The following MCTP1 variants were observed in gnomAD, a reference collection of about 807,000 sequenced individuals.
MCTP1 encodes the protein multiple C2 and transmembrane domain containing 1, also known as multiple C2 and transmembrane domain-containing protein 1.
Under a neutral mutation model 120.6 loss-of-function variants are expected in MCTP1, and 69 were observed. That is an observed-to-expected ratio of 0.57 (90% CI 0.47 to 0.70). The LOEUF (loss-of-function observed/expected upper bound fraction) is 0.70. MCTP1 is among the 30% of genes least tolerant of loss of function. The pLI is 0.00. For missense variants in MCTP1, 1,203 were observed against 1,248.8 expected (o/e 0.96, Z 0.55); for synonymous variants, 529 against 493.1 (o/e 1.07, Z -0.96).
chr5:94,921,379 A>G lies in MCTP1; in HGVS notation c.1272+2583T>C, dbSNP rs994979238. Among the ~76,000 whole-genome samples, 31 of 152,218 alleles carry G rather than the reference A, an allele frequency of 2.0e-4. 1 individual carries two copies. Among genetic ancestry groups the G allele is most frequent in the Admixed American group, 2.0e-3 (30 of 15,280 alleles). On this transcript the variant is annotated intron_variant, in intron 7 of 22. Coordinates refer to ENST00000515393, the MANE Select transcript of MCTP1 (RefSeq NM_024717.7). ...GCAAGTAGCACTGATGTTCCAGCTGAGCAAGTTTTTACTAGGATGTAGTTT... is the reference window on the plus strand; with the variant it reads ...GCAAGTAGCACTGATGTTCCAGCTGGGCAAGTTTTTACTAGGATGTAGTTT...
chr5:95,041,311 G>GAAAAAAAAAAAAAAAAAAAA (rs58379749), intron 1 of MCTP1, among the ~76,000 whole-genome samples: 4 of 89,816 alleles, frequency 4.5e-5, no homozygotes, highest in Non-Finnish European at 6.8e-5. Flanking sequence ...CCCATGCTCT[G>GAAAAAAAAAAAAAAAAAAAA]AAAAAAAAAA....
intron 7 of MCTP1, among the ~76,000 whole-genome samples, chr5:94,919,593 T>G (rs1435239196): frequency 6.6e-6 from 1 of 152,154 alleles, no homozygotes. Context: ...TGGAATCAGC[T>G]CTTTCTTCTA....
At chr5:94,981,162 T>C (rs1829321111) in intron 2 of MCTP1, among the ~76,000 whole-genome samples, 1 of 152,174 alleles carries the variant, frequency 6.6e-6, no homozygotes, top group South Asian at 2.1e-4. Context: ...TGTTCTTATC[T>C]TCAACACAGT....
chr5:94,811,806 T>G (rs1005246805), intron 17 of MCTP1, among the ~76,000 whole-genome samples: 3 of 152,212 alleles, frequency 2.0e-5, no homozygotes, highest in Admixed American at 6.5e-5. Flanking sequence ...TCCTATCATT[T>G]TCAGCCAAAA....
chr5:95,010,578 CTTATTT>C (rs1436950256), intron 2 of MCTP1, among the ~76,000 whole-genome samples: 2 of 152,116 alleles, frequency 1.3e-5, no homozygotes, highest in Non-Finnish European at 2.9e-5. Context: ...AATATCTCTT[CTTATTT>C]TTATCTTTAC....
intron 19 of MCTP1, among the ~76,000 whole-genome samples, chr5:94,772,839 C>T (rs770619859): frequency 5.9e-5 from 9 of 152,092 alleles, no homozygotes; most frequent in Non-Finnish European, 1.2e-4. Context: ...CATAAGGAAG[C>T]GTAAGGATGC....
intron 1 of MCTP1, among the ~76,000 whole-genome samples, chr5:95,083,114 T>C (rs11744157): frequency 0.2 from 30,266 of 152,158 alleles, 3,255 homozygotes; most frequent in East Asian, 0.35. Flanking sequence ...CATCAATACA[T>C]AGCAGAATTT....
At chr5:95,124,157 T>C (rs1027174719) in intron 1 of MCTP1, among the ~76,000 whole-genome samples, 1 of 152,184 alleles carries the variant, frequency 6.6e-6, no homozygotes, top group African/African-American at 2.4e-5. Flanking sequence ...ATCCAGCAGT[T>C]ACCTACTGTG....
intron 12 of MCTP1, among the ~76,000 whole-genome samples, chr5:94,875,409 G>A (rs1270534887): frequency 6.6e-6 from 1 of 152,108 alleles, no homozygotes; most frequent in Non-Finnish European, 1.5e-5. Context: ...AGGGGTGGTA[G>A]TAGGTGACAC....
At chr5:95,132,780 T>G (rs73776202) in intron 1 of MCTP1, among the ~76,000 whole-genome samples, 2,357 of 152,320 alleles carry the variant, frequency 0.015, 64 homozygotes, top group African/African-American at 0.054. Context: ...GCTTTGGCTT[T>G]GTAGCATGTA....
At chr5:95,070,783 A>G (rs1055480480) in intron 1 of MCTP1, among the ~76,000 whole-genome samples, 1 of 152,206 alleles carries the variant, frequency 6.6e-6, no homozygotes, top group Non-Finnish European at 1.5e-5. Flanking sequence ...GTAGTTCCAT[A>G]GCCTAAGAGG....
chr5:95,004,487 C>T (rs944248901), intron 2 of MCTP1, among the ~76,000 whole-genome samples: 1 of 152,208 alleles, frequency 6.6e-6, no homozygotes, highest in Non-Finnish European at 1.5e-5. Flanking sequence ...GCAGCCCCTC[C>T]CATCACAGGC....
chr5:95,061,837 G>A (rs1749317469), intron 1 of MCTP1, among the ~76,000 whole-genome samples: 1 of 152,104 alleles, frequency 6.6e-6, no homozygotes, highest in South Asian at 2.1e-4. Flanking sequence ...ACAGCACCAG[G>A]ATGCAGTTTT....
rs61295443 is a variant in MCTP1 at position 94,938,446 on chromosome 5, T to C, written c.1173+1638A>G. Among the ~76,000 whole-genome samples, 780 of 152,176 alleles carry C rather than the reference T, an allele frequency of 5.1e-3. 8 individuals carry two copies. The highest frequency in any genetic ancestry group is 0.017 in the African/African-American group (727 of 41,550). Reference sequence around the variant, plus strand: ...TGGCCTTTGTGTGTGTTGTCTCCTCTGCTTTAAACACCTCCTCTCTTTCTT... The same window carrying C: ...TGGCCTTTGTGTGTGTTGTCTCCTCCGCTTTAAACACCTCCTCTCTTTCTT... On this transcript the variant is annotated intron_variant, in intron 5 of 22. Transcript: ENST00000515393.
chr5:94,973,114 T>C (rs1248715887), intron 2 of MCTP1, among the ~76,000 whole-genome samples: 1 of 152,172 alleles, frequency 6.6e-6, no homozygotes, highest in Non-Finnish European at 1.5e-5. Context: ...TAAATTAGTA[T>C]TCTCAGTATT....
At chr5:95,183,808 T>C (rs904088857) in intron 1 of MCTP1, among the ~76,000 whole-genome samples, 1 of 152,230 alleles carries the variant, frequency 6.6e-6, no homozygotes, top group East Asian at 1.9e-4. Context: ...TTGGAATGGC[T>C]GAAATTAATC....
intron 17 of MCTP1, among the ~76,000 whole-genome samples, chr5:94,841,779 G>A (rs1339378886): frequency 6.6e-6 from 1 of 152,158 alleles, no homozygotes; most frequent in Non-Finnish European, 1.5e-5. Flanking sequence ...TTGTTAAAAT[G>A]TCTGTCATCC....
chr5:95,170,950 A>G (rs1335974248), intron 1 of MCTP1, among the ~76,000 whole-genome samples: 1 of 151,512 alleles, frequency 6.6e-6, no homozygotes, highest in Non-Finnish European at 1.5e-5. Flanking sequence ...TGATCCTGTC[A>G]TTATGACGTT....
intron 1 of MCTP1, among the ~76,000 whole-genome samples, chr5:95,153,499 CTG>C (rs1206640674): frequency 6.6e-6 from 1 of 152,198 alleles, no homozygotes; most frequent in Non-Finnish European, 1.5e-5. Flanking sequence ...ACACAATAAA[CTG>C]TGCCCAGGAC....
Sources: allele counts gnomAD v4.1 joint callset (sites outside exome capture counted in the v4.1 genomes callset), GRCh38; gene constraint gnomAD v4.1.1; transcripts MANE v1.5; gene names NCBI Gene and HGNC (gene_info 2026-07-23, HGNC 2026-07-21).